GLDN: variants seen among roughly 807,000 people sequenced by gnomAD.
GLDN encodes collomin.
GLDN carries 47 observed loss-of-function variants against 56.5 expected under a neutral mutation model. The ratio of observed to expected loss-of-function variants is 0.83; its 90% CI spans 0.66 to 1.06. The LOEUF (loss-of-function observed/expected upper bound fraction) is 1.06, where lower values mean the gene tolerates loss of function less well. Ranked by LOEUF, GLDN falls within the 50% of genes least tolerant of loss-of-function variation. GLDN has a pLI of 0.00. For synonymous variants in GLDN, 332 were observed against 278.8 expected (o/e 1.19, Z -1.90); for missense variants, 782 against 714.3 (o/e 1.09, Z -1.08).
Position 51,405,152 on chromosome 15 carries a change from G to C in GLDN, c.*398G>C. The stretch of plus-strand genomic sequence containing the variant: ...CCACATGCTGACCAAATTTACCTTT[G>C]AGTTGATAAGTCCAGTGGCTTGAGT... On this transcript the variant is annotated 3_prime_UTR_variant, in exon 10 of 10. Coordinates refer to ENST00000335449, the MANE Select transcript of GLDN (RefSeq NM_181789.4). The C allele has an allele frequency of 4.9e-6, 1 of 203,144 alleles. No individual in the cohort carries two copies. Among genetic ancestry groups the C allele is most frequent in the Non-Finnish European group, 1.0e-5 (1 of 99,748 alleles). The allele number at this position is 203,144 out of a possible 1,614,324, so 12.6% of individuals were successfully genotyped here. A position where few individuals can be genotyped will look rare whatever the true frequency, so the allele number is the denominator to read the frequency against.
chr15:51,353,727 A>C (rs904305956), intron 1 of GLDN, among the ~76,000 whole-genome samples: 2 of 146,162 alleles, frequency 1.4e-5, no homozygotes, highest in South Asian at 2.1e-4. Context: ...AAAAAAAAAA[A>C]AAAAAAACCA....
At chr15:51,347,576 G>A (rs1317064554) in intron 1 of GLDN, among the ~76,000 whole-genome samples, 1 of 152,206 alleles carries the variant, frequency 6.6e-6, no homozygotes, top group East Asian at 1.9e-4. Flanking sequence ...ACAACACACT[G>A]TATTAGGGAA....
intron 1 of GLDN, chr15:51,351,291 A>C (rs1320950526): frequency 6.3e-6 from 1 of 158,704 alleles, no homozygotes. Flanking sequence ...GATTACAGGC[A>C]TGAGTCACCA....
chr15:51,375,579 A>T (rs1282944091), intron 1 of GLDN, among the ~76,000 whole-genome samples: 1 of 152,182 alleles, frequency 6.6e-6, no homozygotes, highest in Non-Finnish European at 1.5e-5. Context: ...GGGAAGGGGT[A>T]TACGGTGGGT....
chr15:51,398,491 A>G (rs910899762), intron 6 of GLDN, among the ~76,000 whole-genome samples: 3 of 152,224 alleles, frequency 2.0e-5, no homozygotes, highest in African/African-American at 7.2e-5. Flanking sequence ...CATCTCCTCA[A>G]TGGCACTCAT....
rs769756281 is a variant in GLDN, at chr15:51,404,774, T to C, written c.*20T>C. ...CAGTGATGTGCTGCATTCGGCTCCC[T>C]TCAGCAAATTTCAGGGGTTTTCTGG... On this transcript the variant is annotated 3_prime_UTR_variant, in exon 10 of 10. Coordinates refer to ENST00000335449, the MANE Select transcript of GLDN (RefSeq NM_181789.4). 10 of 1,245,148 alleles carry C rather than the reference T, an allele frequency of 8.0e-6. No homozygotes were observed. In the African/African-American group the frequency reaches 1.0e-4, roughly 13 times the overall value. The allele number at this position is 1,245,148 out of a possible 1,614,324, so 77.1% of individuals were successfully genotyped here.
intron 9 of GLDN, among the ~76,000 whole-genome samples, chr15:51,402,226 C>T (rs1279996299): frequency 6.6e-6 from 1 of 152,218 alleles, no homozygotes; most frequent in Non-Finnish European, 1.5e-5. Context: ...TGATGGAGTC[C>T]TCCCAGGCCG....
intron 4 of GLDN, among the ~76,000 whole-genome samples, chr15:51,392,167 A>G (rs1034505681): frequency 1.5e-4 from 23 of 152,196 alleles, no homozygotes; most frequent in African/African-American, 5.6e-4. Flanking sequence ...AGGTGCTAAG[A>G]GCTCCAGGTT....
At chr15:51,355,485 C>T (rs2037157140) in intron 1 of GLDN, among the ~76,000 whole-genome samples, 2 of 150,406 alleles carry the variant, frequency 1.3e-5, no homozygotes, top group Admixed American at 6.6e-5. Flanking sequence ...TTGGTTTTGG[C>T]TGGCTTCTTT....
At chr15:51,386,707 C>T (rs988153769) in intron 4 of GLDN, among the ~76,000 whole-genome samples, 38 of 152,198 alleles carry the variant, frequency 2.5e-4, no homozygotes, top group East Asian at 3.9e-4. Context: ...CGGGCGGGGG[C>T]GGAAAGACCC....
At chr15:51,363,656 G>A (rs1323084497) in intron 1 of GLDN, among the ~76,000 whole-genome samples, 2 of 152,164 alleles carry the variant, frequency 1.3e-5, no homozygotes, top group Admixed American at 6.5e-5. Flanking sequence ...TAGATAATAG[G>A]ACCCTAAGAG....
At chr15:51,412,512 C>T (rs1481540209), downstream of GLDN, among the ~76,000 whole-genome samples, 1 of 152,194 alleles carries the variant, frequency 6.6e-6, no homozygotes, top group Admixed American at 6.5e-5. Context: ...CCATCTCTCT[C>T]TCTCTATCCC....
chr15:51,371,734 G>A (rs182773882), intron 1 of GLDN, among the ~76,000 whole-genome samples: 1 of 152,186 alleles, frequency 6.6e-6, no homozygotes, highest in African/African-American at 2.4e-5. Flanking sequence ...CCAGGCTGGA[G>A]TGCAGTGGCT....
chr15:51,356,793 T>C (rs1449850343), intron 1 of GLDN, among the ~76,000 whole-genome samples: 3 of 152,208 alleles, frequency 2.0e-5, no homozygotes, highest in Admixed American at 2.0e-4. Flanking sequence ...AAGTCCTTAA[T>C]ACAGTGCCTA....
downstream of GLDN, among the ~76,000 whole-genome samples, chr15:51,411,621 T>C (rs975494089): frequency 2.6e-5 from 4 of 152,246 alleles, no homozygotes; most frequent in African/African-American, 9.6e-5. Context: ...CTATAACATG[T>C]AAATAAATGA....
At chr15:51,354,701 C>G (rs2141055108) in intron 1 of GLDN, among the ~76,000 whole-genome samples, 1 of 152,262 alleles carries the variant, frequency 6.6e-6, no homozygotes, top group African/African-American at 2.4e-5. Flanking sequence ...GAGAAGGGAA[C>G]TAAGGTTGGC....
intron 1 of GLDN, among the ~76,000 whole-genome samples, chr15:51,359,328 T>G (rs571206031): frequency 1.3e-5 from 2 of 152,360 alleles, no homozygotes; most frequent in East Asian, 3.9e-4. Flanking sequence ...GGAGAGATAC[T>G]ATGTTGTCGT....
chr15:51,389,665 G>A (rs757365151), intron 4 of GLDN, among the ~76,000 whole-genome samples: 3 of 152,118 alleles, frequency 2.0e-5, no homozygotes, highest in Admixed American at 6.5e-5. Context: ...GGGGGAACAG[G>A]GCCCAGTCCC....
At chr15:51,370,920 TCAAGC>T (rs1215932632) in intron 1 of GLDN, among the ~76,000 whole-genome samples, 1 of 151,970 alleles carries the variant, frequency 6.6e-6, no homozygotes, top group Non-Finnish European at 1.5e-5. Flanking sequence ...TGAATCTGCC[TCAAGC>T]CGGAGGTTGC....
Sources: gnomAD v4.1 joint callset for allele counts (sites outside exome capture counted in the v4.1 genomes callset) on GRCh38, gnomAD v4.1.1 for gene constraint, MANE v1.5 for transcripts, NCBI Gene and HGNC (gene_info 2026-07-23, HGNC 2026-07-21) for gene names.